ABCE1: variants seen among roughly 807,000 people sequenced by gnomAD.
ABCE1 encodes the protein ATP binding cassette subfamily E member 1.
ABCE1 carries 22 observed loss-of-function variants against 83.4 expected under a neutral mutation model. The observed-to-expected ratio is 0.26, with a 90% CI of 0.19 to 0.38. The LOEUF is 0.38. Among genes scored for constraint, ABCE1 ranks in the 10% least tolerant of loss-of-function variants. ABCE1 has a pLI of 1.00. For synonymous variants in ABCE1, 204 were observed against 233.7 expected (o/e 0.87, Z 1.16); for missense variants, 330 against 721.9 (o/e 0.46, Z 6.22).
At position 145,104,418 on chromosome 4, in the gene ABCE1, A is replaced by G; in HGVS notation, c.6A>G (p.Ala2=). Residue 2 remains alanine (A), a synonymous_variant, in exon 2 of 18, where the codon GCA becomes GCG. Coordinates refer to ENST00000296577, the MANE Select transcript of ABCE1 (RefSeq NM_002940.3). M[A]DKLTRIAIVN... ...GGATATTCTTTCGCCCAGTTATGGC[A>G]GACAAGTTAACGAGAATTGCTATTG... The G allele has an allele frequency of 6.3e-7, 1 of 1,598,280 alleles. No individual in the cohort carries two copies.
At chr4:145,098,780 T>C (rs533109129) in intron 1 of ABCE1, among the ~76,000 whole-genome samples, 1 of 152,332 alleles carries the variant, frequency 6.6e-6, no homozygotes, top group South Asian at 2.1e-4. Flanking sequence ...CAGCACTCTC[T>C]AGTACCCCCA....
intron 9 of ABCE1, among the ~76,000 whole-genome samples, chr4:145,115,341 T>C (rs374688666): frequency 1.7e-4 from 26 of 152,044 alleles, no homozygotes; most frequent in East Asian, 9.6e-4. Context: ...TAAGGAAACA[T>C]AGGATTTTAA....
chr4:145,120,097 C>T lies in ABCE1; in HGVS notation c.1088C>T (p.Ala363Val), dbSNP rs1363661313. ...MKKKMGEFEL[A>V]IVAGEFTDSE... The stretch of plus-strand genomic sequence containing the variant: ...AAAAAAATGGGAGAATTTGAGCTAG[C>T]AATTGTAGCTGGAGAGTTTACAGAT... Residue 363 changes from alanine to valine, a missense_variant, in exon 11 of 18, where the codon GCA becomes GTA. Coordinates refer to ENST00000296577, the MANE Select transcript of ABCE1 (RefSeq NM_002940.3). 2 of 1,611,476 alleles carry T rather than the reference C, an allele frequency of 1.2e-6. No homozygotes were observed. The highest frequency in any genetic ancestry group is 1.7e-6 in the Non-Finnish European group (2 of 1,179,034).
intron 17 of ABCE1, among the ~76,000 whole-genome samples, chr4:145,125,645 G>A (rs1749860869): frequency 6.6e-6 from 1 of 152,062 alleles, no homozygotes; most frequent in Admixed American, 6.5e-5. Flanking sequence ...TATCACAGTT[G>A]TACTACCTAT....
chr4:145,113,782 A>G (rs551782576), intron 9 of ABCE1, among the ~76,000 whole-genome samples: 15 of 152,296 alleles, frequency 9.8e-5, no homozygotes, highest in South Asian at 2.1e-4. Flanking sequence ...TAGAAATTAA[A>G]AGCATGGTGA....
chr4:145,115,906 C>G (rs1278543121), intron 9 of ABCE1, among the ~76,000 whole-genome samples: 1 of 151,854 alleles, frequency 6.6e-6, no homozygotes, highest in Admixed American at 6.6e-5. Context: ...AAGAGTCTCC[C>G]TTAAGATGTT....
chr4:145,120,917 T>G (rs989064394), intron 11 of ABCE1: 1 of 404,260 alleles, frequency 2.5e-6, no homozygotes, highest in African/African-American at 2.0e-5. Context: ...ATTGCAGGAT[T>G]TAAACTTTAT....
intron 15 of ABCE1, 49 bp downstream of exon 15, chr4:145,123,406 A>C (rs749211253): frequency 2.5e-6 from 4 of 1,591,964 alleles, no homozygotes; most frequent in Non-Finnish European, 3.4e-6. Context: ...ACTGTCCTAC[A>C]AGTGTGCTTA....
chr4:145,112,955 G>T (rs546183499), intron 9 of ABCE1, among the ~76,000 whole-genome samples: 6 of 152,138 alleles, frequency 3.9e-5, no homozygotes, highest in South Asian at 2.1e-4. Context: ...GACCCCAGGG[G>T]TTTTTTTCTG....
chr4:145,098,487 CG>C (rs915981855), intron 1 of ABCE1, 68 bp downstream of exon 1: 16 of 152,530 alleles, frequency 1.0e-4, no homozygotes, highest in African/African-American at 3.8e-4. Context: ...AATGTAGGGA[CG>C]TTCTCCGAGA....
intron 9 of ABCE1, among the ~76,000 whole-genome samples, chr4:145,113,098 G>C (rs1326965597): frequency 1.3e-5 from 2 of 152,152 alleles, no homozygotes; most frequent in Admixed American, 1.3e-4. Context: ...TAGAACTATA[G>C]AGGAGTAATA....
intron 13 of ABCE1, chr4:145,121,992 G>A (rs1277333588): frequency 6.6e-6 from 1 of 152,246 alleles, no homozygotes; most frequent in East Asian, 1.9e-4. Context: ...TTACCCACAA[G>A]ATGGGAGAAA....
At chr4:145,121,547 C>T (rs1350161060) in intron 13 of ABCE1, 156 bp downstream of exon 13, 2 of 604,366 alleles carry the variant, frequency 3.3e-6, no homozygotes, top group African/African-American at 3.7e-5. Flanking sequence ...ATCCTTGATT[C>T]ATATCCACTG....
At position 145,123,000 on chromosome 4, in the gene ABCE1, A is replaced by G. The variant is rs1240638094; in HGVS notation, c.1264-21A>G. ...TATAGTGAAAGTTTATCATTTAAAT[A>G]CTTTTTTATATTAAAAACAGGGAAG... On this transcript the variant is annotated intron_variant, in intron 13 of 17. Transcript: ENST00000296577. 2.7e-6 allele frequency: 4 copies of G among 1,462,410 alleles called. No homozygotes were observed. The East Asian group carries it at 9.2e-5, about 34-fold the overall frequency. 90.6% of individuals were successfully genotyped at this position (1,462,410 alleles called of 1,614,324 possible).
In ABCE1 at chr4:145,128,671, T is replaced by TAG. The variant is rs1204367152; in HGVS notation, c.*1098_*1099insAG. ...GGATTACCTGGAGCCTGGAGCCACT[T>TAG]TAAGTTGTACTTCTGACTAAACTGG... On this transcript the variant is annotated 3_prime_UTR_variant, in exon 18 of 18. Coordinates refer to ENST00000296577, the MANE Select transcript of ABCE1 (RefSeq NM_002940.3). The TAG allele has an allele frequency of 6.6e-6, 1 of 152,214 alleles. No homozygotes were observed. The highest frequency in any genetic ancestry group is 1.5e-5 in the Non-Finnish European group (1 of 68,036). The allele number at this position is 152,214 out of a possible 1,614,324, so 9.4% of individuals were successfully genotyped here.
At chr4:145,105,765 T>A in intron 3 of ABCE1, 75 bp downstream of exon 3, 1 of 1,028,522 alleles carries the variant, frequency 9.7e-7, no homozygotes, top group Non-Finnish European at 1.4e-6. Flanking sequence ...TACTATGCTA[T>A]AACTACTTTA....
chr4:145,124,084 C>G lies in ABCE1; in HGVS notation c.1640+484C>G, dbSNP rs1045339557. On this transcript the variant is annotated intron_variant, in intron 16 of 17. Coordinates refer to ENST00000296577, the MANE Select transcript of ABCE1 (RefSeq NM_002940.3). ...TTTTTCGTTTTTTCTTCTCATTTTT[C>G]CTTGTTAGCCTGATTAAGAGCACTT... is the stretch of plus-strand genomic sequence containing the variant. Among the ~76,000 whole-genome samples the G allele has an allele frequency of 2.6e-5, 4 of 152,060 alleles. 1 individual carries two copies. Among genetic ancestry groups the G allele is most frequent in the African/African-American group, 9.7e-5 (4 of 41,418 alleles).
In ABCE1 at chr4:145,121,154, G is replaced by C; in HGVS notation, c.1145-20G>C. 6.2e-7 allele frequency: 1 copy of C among 1,612,348 alleles called. No homozygotes were observed. The highest frequency in any genetic ancestry group is 8.5e-7 in the Non-Finnish European group (1 of 1,179,566). ...CGTCAAGCATCTTTCAGATCAAACT[G>C]TCATATGTTGTGTTGCCAGGAACGG... On this transcript the variant is annotated intron_variant, in intron 11 of 17. Transcript: ENST00000296577.
At chr4:145,120,248 A>G (rs1009269384) in intron 11 of ABCE1, 95 bp downstream of exon 11, 3 of 1,057,886 alleles carry the variant, frequency 2.8e-6, no homozygotes, top group Non-Finnish European at 2.8e-6. Context: ...CATATGTTAT[A>G]GGGCTAGAAG....
Sources: gnomAD v4.1 joint callset for allele counts (sites outside exome capture counted in the v4.1 genomes callset) on GRCh38, gnomAD v4.1.1 for gene constraint, MANE v1.5 for transcripts, NCBI Gene and HGNC (gene_info 2026-07-23, HGNC 2026-07-21) for gene names.